Variants in RBFOX3 observed in about 807,000 individuals in gnomAD.
RBFOX3 encodes the protein RNA binding protein fox-1 homolog 3.
RBFOX3 carries 17 observed loss-of-function variants against 48.7 expected under a neutral mutation model. The observed-to-expected ratio is 0.35, with a 90% CI of 0.24 to 0.52. The LOEUF is 0.52. Ranked by LOEUF, RBFOX3 falls within the 20% of genes least tolerant of loss-of-function variation. RBFOX3 has a pLI of 0.94. For missense variants in RBFOX3, 382 were observed against 497.5 expected, an observed-to-expected ratio of 0.77 and a Z score of 2.21; for synonymous variants, 212 against 209.5, an observed-to-expected ratio of 1.01 and a Z score of -0.10.
At position 79,412,293 on chromosome 17, in the gene RBFOX3, T is replaced by C. The variant is rs192411587; in HGVS notation, c.-175+70161A>G. 1.8e-3 allele frequency among the ~76,000 whole-genome samples: 265 copies of C among 151,398 alleles called. 1 individual carries two copies. The highest frequency in any genetic ancestry group is 5.9e-3 in the African/African-American group (243 of 41,198). ...GTATGTGTGCGTGTATGAACATGTG[T>C]GTATGTATGTGGGCATGTGTATATA... On this transcript the variant is annotated intron_variant, in intron 2 of 14. Transcript: ENST00000693108.
intron 1 of RBFOX3, among the ~76,000 whole-genome samples, chr17:79,519,591 G>A (rs1464137727): frequency 3.3e-5 from 5 of 151,994 alleles, no homozygotes; most frequent in African/African-American, 9.7e-5. Context: ...ACTGTCAAGC[G>A]TCAGTCTTAC....
At chr17:79,192,620 A>C (rs1423312461) in intron 4 of RBFOX3, among the ~76,000 whole-genome samples, 1 of 152,100 alleles carries the variant, frequency 6.6e-6, no homozygotes, top group Admixed American at 6.5e-5. Context: ...CCATGGCTGA[A>C]ACCCTCCTGG....
chr17:79,135,306 G>A (rs1338881690), intron 4 of RBFOX3, among the ~76,000 whole-genome samples: 1 of 152,178 alleles, frequency 6.6e-6, no homozygotes, highest in African/African-American at 2.4e-5. Context: ...GGGTGGCGGT[G>A]GGGTCCCTGG....
At chr17:79,183,454 C>T (rs2146210310) in intron 4 of RBFOX3, 1 of 152,066 alleles carries the variant, frequency 6.6e-6, no homozygotes, top group Admixed American at 6.5e-5. Flanking sequence ...GGGCGCCCTC[C>T]CGGTCTCTCT....
intron 3 of RBFOX3, among the ~76,000 whole-genome samples, chr17:79,292,822 A>G (rs543550023): frequency 1.9e-5 from 2 of 105,326 alleles, no homozygotes; most frequent in East Asian, 3.6e-4. Flanking sequence ...TTTGGGGGAA[A>G]AAATCACCCA....
At chr17:79,612,840 T>G (rs2093979148), upstream of RBFOX3, among the ~76,000 whole-genome samples, 2 of 152,166 alleles carry the variant, frequency 1.3e-5, no homozygotes, top group South Asian at 4.1e-4. Flanking sequence ...GGCAGGCACC[T>G]GTCTCCCTGC....
chr17:79,624,918 G>A, the RBFOX3 span, among the ~76,000 whole-genome samples: 85 of 150,842 alleles, frequency 5.6e-4, no homozygotes, highest in African/African-American at 1.8e-3. Flanking sequence ...ACCACGAAGC[G>A]CCCCAAGGGC....
chr17:79,096,332 C>T (rs879286690), intron 12 of RBFOX3, among the ~76,000 whole-genome samples: 5 of 152,170 alleles, frequency 3.3e-5, no homozygotes, highest in African/African-American at 4.8e-5. Context: ...ACTCACTGAC[C>T]GCAGCGTGGT....
chr17:79,135,372 C>T (rs1176823876), intron 4 of RBFOX3, among the ~76,000 whole-genome samples: 3 of 152,174 alleles, frequency 2.0e-5, no homozygotes, highest in African/African-American at 7.2e-5. Flanking sequence ...CCTTGCTGCC[C>T]CAGCCATTAG....
the RBFOX3 span, among the ~76,000 whole-genome samples, chr17:79,659,315 C>T: frequency 3.3e-5 from 5 of 152,116 alleles, no homozygotes; most frequent in African/African-American, 1.2e-4. Context: ...ATGAAATAAA[C>T]AGGATGATGT....
intron 2 of RBFOX3, among the ~76,000 whole-genome samples, chr17:79,335,763 C>T (rs1400898394): frequency 2.0e-5 from 3 of 152,196 alleles, no homozygotes; most frequent in Non-Finnish European, 2.9e-5. Context: ...CACTTGCTCC[C>T]GTCCTCTCGT....
At chr17:79,263,255 T>G (rs1272374586) in intron 3 of RBFOX3, among the ~76,000 whole-genome samples, 2 of 152,242 alleles carry the variant, frequency 1.3e-5, no homozygotes, top group Non-Finnish European at 2.9e-5. Context: ...GGGCAAACTT[T>G]TCGTGATTTC....
chr17:79,485,575 A>C (rs1211295408), intron 1 of RBFOX3, among the ~76,000 whole-genome samples: 2 of 152,108 alleles, frequency 1.3e-5, no homozygotes, highest in African/African-American at 2.4e-5. Context: ...CCAGAGGCTG[A>C]GCTGAAGGCG....
intron 2 of RBFOX3, among the ~76,000 whole-genome samples, chr17:79,323,415 C>T (rs917545706): frequency 2.0e-5 from 3 of 152,204 alleles, no homozygotes; most frequent in Non-Finnish European, 4.4e-5. Flanking sequence ...GGGCAGTTTT[C>T]CTGGAGATGG....
intron 3 of RBFOX3, among the ~76,000 whole-genome samples, chr17:79,278,586 C>T (rs1336703766): frequency 6.6e-6 from 1 of 152,216 alleles, no homozygotes; most frequent in Non-Finnish European, 1.5e-5. Context: ...TGGGCGTGGC[C>T]TGTGGTGCCG....
chr17:79,274,120 C>T (rs1205780581), intron 3 of RBFOX3, among the ~76,000 whole-genome samples: 1 of 152,142 alleles, frequency 6.6e-6, no homozygotes, highest in Non-Finnish European at 1.5e-5. Context: ...CCTGGCCGGT[C>T]CTCCCACCAG....
At chr17:79,294,557 C>G (rs556759775) in intron 3 of RBFOX3, among the ~76,000 whole-genome samples, 50 of 152,320 alleles carry the variant, frequency 3.3e-4, no homozygotes, top group African/African-American at 1.2e-3. Context: ...AATGACCTGC[C>G]TGCCGCGACT....
chr17:79,625,429 G>C, the RBFOX3 span, among the ~76,000 whole-genome samples: 2 of 152,182 alleles, frequency 1.3e-5, no homozygotes, highest in Non-Finnish European at 2.9e-5. Flanking sequence ...TTTATCTCCA[G>C]GTTAGGGGTA....
At chr17:79,130,391 A>G (rs1261483684) in intron 4 of RBFOX3, among the ~76,000 whole-genome samples, 3 of 152,136 alleles carry the variant, frequency 2.0e-5, no homozygotes, top group Non-Finnish European at 2.9e-5. Context: ...GCCCACAGTC[A>G]CTTCGCAAGC....
Sources: allele counts gnomAD v4.1 joint callset (sites outside exome capture counted in the v4.1 genomes callset), GRCh38; gene constraint gnomAD v4.1.1; transcripts MANE v1.5; gene names NCBI Gene and HGNC (gene_info 2026-07-23, HGNC 2026-07-21).